Variants in SNTB1 observed in about 807,000 individuals in gnomAD.
The protein encoded by SNTB1 is syntrophin beta 1, also known as beta-1-syntrophin.
In SNTB1, 36 loss-of-function variants were observed where a neutral mutation model predicts 48.9. That is an observed-to-expected ratio of 0.74 (90% CI 0.56 to 0.97). The LOEUF is 0.97. SNTB1 is among the 50% of genes least tolerant of loss of function. SNTB1 has a pLI of 0.00. For synonymous variants in SNTB1, 299 were observed against 294.6 expected, an observed-to-expected ratio of 1.01 and a Z score of -0.15; for missense variants, 786 against 703.4, an observed-to-expected ratio of 1.12 and a Z score of -1.33.
Position 120,537,841 on chromosome 8 carries a change from T to C in SNTB1, c.*1036A>G, listed in dbSNP as rs1363652429. The C allele has an allele frequency of 6.6e-6, 1 of 152,228 alleles. No homozygotes were observed. The highest frequency in any genetic ancestry group is 1.5e-5 in the Non-Finnish European group (1 of 68,042). 9.4% of individuals were successfully genotyped at this position (152,228 alleles called of 1,614,324 possible). On this transcript the variant is annotated 3_prime_UTR_variant, in exon 7 of 7. Transcript: ENST00000517992. ...CAGATACTGTCAATAGATTTGATTA[T>C]AGCATTCAGTCTATATGTAAAACCC...
intron 4 of SNTB1, 55 bp from the exon 5 acceptor site, chr8:120,549,013 G>C (rs1815433862): frequency 7.0e-7 from 1 of 1,423,928 alleles, no homozygotes; most frequent in African/African-American, 1.4e-5. Context: ...TATTCACCTG[G>C]CATATCACCT....
At chr8:120,614,425 T>C (rs1239278019) in intron 3 of SNTB1, among the ~76,000 whole-genome samples, 2 of 152,240 alleles carry the variant, frequency 1.3e-5, no homozygotes, top group Admixed American at 1.3e-4. Flanking sequence ...ATATTATGTC[T>C]TTCAGAGTGT....
At chr8:120,621,776 G>A (rs1816796393) in intron 3 of SNTB1, among the ~76,000 whole-genome samples, 1 of 152,068 alleles carries the variant, frequency 6.6e-6, no homozygotes, top group Admixed American at 6.6e-5. Flanking sequence ...CTCCTTTCAT[G>A]CACCCCCAGG....
At chr8:120,756,485 A>G (rs1819320193) in intron 1 of SNTB1, among the ~76,000 whole-genome samples, 2 of 152,150 alleles carry the variant, frequency 1.3e-5, no homozygotes, top group African/African-American at 2.4e-5. Context: ...GGGAGGGGGA[A>G]TTAACCTGAT....
chr8:120,782,668 T>C (rs1399694295), intron 1 of SNTB1, among the ~76,000 whole-genome samples: 1 of 151,728 alleles, frequency 6.6e-6, no homozygotes, highest in African/African-American at 2.4e-5. Context: ...TATAACAGAG[T>C]TACCATCCAA....
At chr8:120,755,185 AG>A (rs1563591361) in intron 1 of SNTB1, among the ~76,000 whole-genome samples, 23 of 150,638 alleles carry the variant, frequency 1.5e-4, no homozygotes, top group African/African-American at 5.6e-4. Context: ...AGAGAGAGAG[AG>A]AGCGAGAGAG....
At chr8:120,751,564 G>T (rs58800370) in intron 1 of SNTB1, among the ~76,000 whole-genome samples, 19,741 of 151,958 alleles carry the variant, frequency 0.13, 1,662 homozygotes, top group African/African-American at 0.23. Flanking sequence ...GTAAATGTCT[G>T]GTCTTACAAC....
intron 1 of SNTB1, among the ~76,000 whole-genome samples, chr8:120,808,933 T>C (rs1820383864): frequency 6.6e-6 from 1 of 152,154 alleles, no homozygotes; most frequent in Non-Finnish European, 1.5e-5. Context: ...TATATAAATG[T>C]ACCTTTAAAA....
intron 3 of SNTB1, among the ~76,000 whole-genome samples, chr8:120,598,606 A>G (rs1280393965): frequency 1.3e-5 from 2 of 152,344 alleles, no homozygotes; most frequent in South Asian, 2.1e-4. Flanking sequence ...AGCAGGCACC[A>G]TGTTCATTTC....
chr8:120,804,772 C>T (rs1403113878), intron 1 of SNTB1, among the ~76,000 whole-genome samples: 1 of 152,198 alleles, frequency 6.6e-6, no homozygotes, highest in African/African-American at 2.4e-5. Flanking sequence ...ACTCTTCCCC[C>T]TCAGTAGTCT....
At chr8:120,738,342 A>C (rs1018417616) in intron 1 of SNTB1, among the ~76,000 whole-genome samples, 1 of 152,198 alleles carries the variant, frequency 6.6e-6, no homozygotes, top group Non-Finnish European at 1.5e-5. Context: ...TAATAATGTA[A>C]CCAATAACAC....
intron 1 of SNTB1, among the ~76,000 whole-genome samples, chr8:120,762,142 C>T (rs1020903326): frequency 3.3e-5 from 5 of 152,190 alleles, no homozygotes; most frequent in African/African-American, 1.2e-4. Flanking sequence ...TCATTATGTC[C>T]TGGCTTTCCT....
intron 2 of SNTB1, chr8:120,635,918 T>C: frequency 2.2e-6 from 1 of 457,602 alleles, no homozygotes. Flanking sequence ...CTTTATTTCC[T>C]TTTTGCTAAC....
chr8:120,792,753 G>C (rs767050606), intron 1 of SNTB1, among the ~76,000 whole-genome samples: 1 of 151,954 alleles, frequency 6.6e-6, no homozygotes, highest in Non-Finnish European at 1.5e-5. Flanking sequence ...TTTACGAAAA[G>C]GTAGCTGGTT....
intron 3 of SNTB1, among the ~76,000 whole-genome samples, chr8:120,606,122 C>G (rs1816512191): frequency 6.7e-6 from 1 of 150,222 alleles, no homozygotes; most frequent in East Asian, 2.0e-4. Flanking sequence ...TTTATGCAAA[C>G]ATCTTAAAGT....
chr8:120,576,413 G>C lies in SNTB1; in HGVS notation c.997-1188C>G, dbSNP rs187390771. Among the ~76,000 whole-genome samples the C allele has an allele frequency of 2.1e-3, 319 of 152,326 alleles. 6 individuals are homozygous for C. The highest frequency in any genetic ancestry group is 3.1e-3 in the East Asian group (16 of 5,186). ...TAAGTGACACAGTGGAATCCGTATAGAGATAGAAGCATGTGTGTAGCTCTT... is the reference window on the plus strand; with the variant it reads ...TAAGTGACACAGTGGAATCCGTATACAGATAGAAGCATGTGTGTAGCTCTT... On this transcript the variant is annotated intron_variant, in intron 3 of 6. Transcript: ENST00000517992.
chr8:120,629,145 C>T (rs1184636983), intron 3 of SNTB1, among the ~76,000 whole-genome samples: 3 of 152,154 alleles, frequency 2.0e-5, no homozygotes, highest in Non-Finnish European at 4.4e-5. Context: ...CTTCTTTCTC[C>T]TCTCTTGGAG....
intron 1 of SNTB1, among the ~76,000 whole-genome samples, chr8:120,770,954 T>C (rs547815277): frequency 5.8e-4 from 88 of 152,336 alleles, no homozygotes; most frequent in African/African-American, 2.1e-3. Flanking sequence ...GGTAGAGGTG[T>C]GAAATAATGA....
chr8:120,718,295 A>G (rs1818597727), intron 1 of SNTB1, among the ~76,000 whole-genome samples: 1 of 152,220 alleles, frequency 6.6e-6, no homozygotes, highest in African/African-American at 2.4e-5. Context: ...AGGAGGGCAA[A>G]GGGAGCCACG....
Sources: allele counts gnomAD v4.1 joint callset (sites outside exome capture counted in the v4.1 genomes callset), GRCh38; gene constraint gnomAD v4.1.1; transcripts MANE v1.5; gene names NCBI Gene and HGNC (gene_info 2026-07-23, HGNC 2026-07-21).